The following COL15A1 variants were observed in gnomAD, a reference collection of about 807,000 sequenced individuals.
COL15A1 encodes collagen type XV alpha 1 chain.
In COL15A1, 111 loss-of-function variants were observed where a neutral mutation model predicts 165.9. The ratio of observed to expected loss-of-function variants is 0.67; its 90% CI spans 0.57 to 0.78. COL15A1 has a LOEUF of 0.78. Ranked by LOEUF, COL15A1 falls within the 30% of genes least tolerant of loss-of-function variation. The pLI is 0.00. For synonymous variants in COL15A1, 659 were observed against 674.8 expected (o/e 0.98, Z 0.36); for missense variants, 1,745 against 1,789.7 (o/e 0.98, Z 0.45).
intron 24 of COL15A1, among the ~76,000 whole-genome samples, chr9:99,043,045 T>G (rs1564079329): frequency 1.3e-5 from 2 of 152,150 alleles, no homozygotes; most frequent in African/African-American, 4.8e-5. Flanking sequence ...GGAATGGAGC[T>G]CTGTGCAAAG....
At chr9:99,061,771 G>A (rs1247243045) in intron 36 of COL15A1, among the ~76,000 whole-genome samples, 200 bp from the exon 37 acceptor site, 7 of 152,116 alleles carry the variant, frequency 4.6e-5, no homozygotes, top group Non-Finnish European at 1.5e-5. Flanking sequence ...GTGTTTCAAA[G>A]TATACATGTT....
At chr9:99,041,226 T>C (rs1297056342) in intron 23 of COL15A1, 1 of 152,078 alleles carries the variant, frequency 6.6e-6, no homozygotes, top group Non-Finnish European at 1.5e-5. Context: ...AAGACTTTAT[T>C]TGGGGGAAAA....
At chr9:98,992,628 G>A (rs964748579) in intron 5 of COL15A1, among the ~76,000 whole-genome samples, 14 of 152,274 alleles carry the variant, frequency 9.2e-5, no homozygotes, top group African/African-American at 3.1e-4. Context: ...CACTGAGGGC[G>A]AGCGAGGGCC....
intron 2 of COL15A1, among the ~76,000 whole-genome samples, 157 bp from the exon 3 acceptor site, chr9:98,985,408 G>C (rs1364724978): frequency 6.6e-6 from 1 of 152,142 alleles, no homozygotes; most frequent in African/African-American, 2.4e-5. Context: ...TCTTTTTGTG[G>C]GTCGTTGTCA....
intron 2 of COL15A1, among the ~76,000 whole-genome samples, chr9:98,949,016 C>G (rs1486027902): frequency 6.6e-6 from 1 of 152,162 alleles, no homozygotes; most frequent in East Asian, 1.9e-4. Flanking sequence ...TTCTTTCTCT[C>G]TGAGGTAACC....
intron 4 of COL15A1, among the ~76,000 whole-genome samples, chr9:98,987,822 C>T (rs1838341870): frequency 1.3e-5 from 2 of 152,196 alleles, no homozygotes; most frequent in South Asian, 4.1e-4. Context: ...ATTGACTGAG[C>T]ACCTGCTGGG....
chr9:99,035,152 G>A lies in COL15A1; in HGVS notation c.2218G>A (p.Glu740Lys), dbSNP rs201093370. ...TGGATGCACAATGGGACTTGGATTCGAGGTACTTTTCCCCTTTTCTGTGGT... is the reference window on the plus strand; with the variant it reads ...TGGATGCACAATGGGACTTGGATTCAAGGTACTTTTCCCCTTTTCTGTGGT... Reference protein sequence around the residue: ...GPGCTMGLGFEDTEGSGSTQL... With the variant: ...GPGCTMGLGFKDTEGSGSTQL... The change falls in exon 18 of 42, where the codon GAG becomes AAG. Residue 740 changes from glutamate (E) to lysine (K), a missense_variant and splice_region_variant. Transcript: ENST00000375001. 81 of 1,592,160 alleles carry A rather than the reference G, an allele frequency of 5.1e-5. No individual in the cohort carries two copies. The highest frequency in any genetic ancestry group is 1.7e-4 in the Middle Eastern group (1 of 5,900).
In COL15A1 at chr9:99,056,346, T is replaced by TGATCCTGGGCCACCGGGGCCCCCGGG; in HGVS notation, c.3281_3306dup (p.Pro1103IlefsTer59). The TGATCCTGGGCCACCGGGGCCCCCGGG allele has an allele frequency of 1.2e-6, 2 of 1,613,800 alleles. No individual in the cohort carries two copies. Among genetic ancestry groups the TGATCCTGGGCCACCGGGGCCCCCGGG allele is most frequent in the Non-Finnish European group, 1.7e-6 (2 of 1,180,004 alleles). On this transcript the variant is annotated frameshift_variant, in exon 35 of 42. Coordinates refer to ENST00000375001, the MANE Select transcript of COL15A1 (RefSeq NM_001855.5). LOFTEE classifies it high-confidence loss of function. ...GGCCACCTGGCTTTGGAAGACCTGG[T>TGATCCTGGGCCACCGGGGCCCCCGGG]GATCCTGGGCCACCGGGGCCCCCGG...
At chr9:99,049,363 G>C (rs1057238290) in intron 28 of COL15A1, among the ~76,000 whole-genome samples, 4 of 152,220 alleles carry the variant, frequency 2.6e-5, no homozygotes, top group African/African-American at 4.8e-5. Context: ...AGTATCAACT[G>C]GGTGTCAGAA....
At chr9:99,003,721 G>A in intron 8 of COL15A1, 134 bp downstream of exon 8, 2 of 981,672 alleles carry the variant, frequency 2.0e-6, no homozygotes, top group Non-Finnish European at 2.8e-6. Context: ...GTCTGTCGGA[G>A]TAAGCACTAA....
chr9:98,950,795 C>T (rs903124682), intron 2 of COL15A1, among the ~76,000 whole-genome samples: 7 of 151,938 alleles, frequency 4.6e-5, no homozygotes, highest in African/African-American at 1.7e-4. Flanking sequence ...AGTAGAGATA[C>T]AGTTTCACCA....
Position 99,043,570 on chromosome 9 carries a change from T to G in COL15A1, c.2575-998T>G, listed in dbSNP as rs1839448206. Among the ~76,000 whole-genome samples, 4 of 152,276 alleles carry G rather than the reference T, an allele frequency of 2.6e-5. 1 individual carries two copies. Among genetic ancestry groups the G allele is most frequent in the South Asian group, 4.1e-4 (2 of 4,820 alleles). ...TGCCTCTAATGCTTTTGTGCTTGCTTCTTCTCCCTGCTGGCGTGCTCAGGA... is the reference window on the plus strand; with the variant it reads ...TGCCTCTAATGCTTTTGTGCTTGCTGCTTCTCCCTGCTGGCGTGCTCAGGA... On this transcript the variant is annotated intron_variant, in intron 24 of 41. Coordinates refer to ENST00000375001, the MANE Select transcript of COL15A1 (RefSeq NM_001855.5).
At chr9:98,955,652 T>C (rs117398563) in intron 2 of COL15A1, among the ~76,000 whole-genome samples, 675 of 152,304 alleles carry the variant, frequency 4.4e-3, no homozygotes, top group Non-Finnish European at 6.9e-3. Flanking sequence ...AGTATGTATA[T>C]CAAGAATAGA....
intron 16 of COL15A1, among the ~76,000 whole-genome samples, chr9:99,027,397 C>T (rs917296201): frequency 2.6e-5 from 4 of 152,168 alleles, no homozygotes; most frequent in African/African-American, 4.8e-5. Context: ...ACTCAATTTT[C>T]GTGGAAAGCT....
chr9:98,944,299 G>C (rs761507645), intron 2 of COL15A1, 49 bp downstream of exon 2: 7 of 1,578,002 alleles, frequency 4.4e-6, no homozygotes, highest in Non-Finnish European at 6.1e-6. Flanking sequence ...GCGCCCGTGG[G>C]GGAAGTCGGT....
chr9:98,972,612 C>G (rs1187287018), intron 2 of COL15A1, among the ~76,000 whole-genome samples: 4 of 152,222 alleles, frequency 2.6e-5, no homozygotes, highest in African/African-American at 4.8e-5. Flanking sequence ...ATGCAGCAAG[C>G]CTGCAGAAAA....
At chr9:99,002,360 G>A (rs73653702) in intron 7 of COL15A1, among the ~76,000 whole-genome samples, 1,551 of 152,112 alleles carry the variant, frequency 0.01, 25 homozygotes, top group African/African-American at 0.033. Context: ...CAAATTCCAG[G>A]AAATACATAC....
At chr9:99,036,288 T>C in intron 20 of COL15A1, 25 bp from the exon 21 acceptor site, 1 of 1,614,124 alleles carries the variant, frequency 6.2e-7, no homozygotes, top group South Asian at 1.1e-5. Flanking sequence ...TGAATTTTTT[T>C]CTCACTTCTT....
At chr9:99,040,858 A>G in intron 23 of COL15A1, 1 of 400,388 alleles carries the variant, frequency 2.5e-6, no homozygotes, top group South Asian at 3.4e-5. Flanking sequence ...GGCACATATC[A>G]TATGATAACA....
Sources: gnomAD v4.1 joint callset for allele counts (sites outside exome capture counted in the v4.1 genomes callset) on GRCh38, gnomAD v4.1.1 for gene constraint, MANE v1.5 for transcripts, NCBI Gene and HGNC (gene_info 2026-07-23, HGNC 2026-07-21) for gene names.